Variants in ESD observed in about 807,000 individuals in gnomAD.
The protein encoded by ESD is esterase D, also known as S-formylglutathione hydrolase.
ESD carries 34 observed loss-of-function variants against 38.1 expected under a neutral mutation model. The ratio of observed to expected loss-of-function variants is 0.89; its 90% confidence interval spans 0.68 to 1.19. ESD has a LOEUF of 1.19. Among genes scored for constraint, ESD ranks in the 50% most tolerant of loss-of-function variants. The pLI is 0.00. For missense variants in ESD, 334 were observed against 327.2 expected, an observed-to-expected ratio of 1.02 and a Z score of -0.16; for synonymous variants, 97 against 107.0, an observed-to-expected ratio of 0.91 and a Z score of 0.58.
chr13:46,772,618 T>G (rs1167200766), intron 9 of ESD, among the ~76,000 whole-genome samples: 1 of 152,204 alleles, frequency 6.6e-6, no homozygotes, highest in Non-Finnish European at 1.5e-5. Context: ...GGCCCCAGTG[T>G]GGGTTGTTCC....
chr13:46,797,224 T>G (rs1875623573), upstream of ESD: 1 of 152,048 alleles, frequency 6.6e-6, no homozygotes. Flanking sequence ...TCCCACTCAC[T>G]CTCGCTTTTA....
rs1194944273 is a variant in ESD, at chr13:46,777,480, G to T, written c.744C>A (p.Ile248=). The part of the protein sequence containing the change: ...NFIAACTEKK[I]PVVFRLQEGY... ...CCTCTTGCAATCGAAAAACAACGGG[G>T]ATTTTCTTTTCTGTACAGGCAGCTA... Residue 248 remains isoleucine (I), a synonymous_variant, in exon 9 of 10, where the codon ATC becomes ATA. Coordinates refer to ENST00000378720, the MANE Select transcript of ESD (RefSeq NM_001984.2). The T allele has an allele frequency of 1.2e-6, 2 of 1,604,854 alleles. No homozygotes were observed. Among genetic ancestry groups the T allele is most frequent in the African/African-American group, 2.7e-5 (2 of 74,636 alleles).
In ESD at chr13:46,771,351, T is replaced by A; in HGVS notation, c.*65A>T. 1 of 978,502 alleles carries A rather than the reference T, an allele frequency of 1.0e-6. No individual in the cohort carries two copies. The highest frequency in any genetic ancestry group is 1.5e-6 in the Non-Finnish European group (1 of 668,006). The allele number at this position is 978,502 out of a possible 1,614,324, so 60.6% of individuals were successfully genotyped here. A position where few individuals can be genotyped will look rare whatever the true frequency, so the allele number is the denominator to read the frequency against. On this transcript the variant is annotated 3_prime_UTR_variant, in exon 10 of 10. Transcript: ENST00000378720. ...TGTTTTGAATTTTTTTTTTTTTTGC[T>A]CAGCAATACAGTTGCATTTTACAAC...
At chr13:46,777,650 A>C in intron 8 of ESD, 27 bp from the exon 9 acceptor site, 1 of 1,554,062 alleles carries the variant, frequency 6.4e-7, no homozygotes, top group South Asian at 1.2e-5. Flanking sequence ...AACATTGAAA[A>C]ATAAATTCAA....
At chr13:46,792,101 A>T (rs781165353) in intron 2 of ESD, among the ~76,000 whole-genome samples, 2 of 152,120 alleles carry the variant, frequency 1.3e-5, no homozygotes, top group Admixed American at 6.5e-5. Context: ...CTTACATGTA[A>T]AATGACATAT....
chr13:46,775,494 T>G (rs903461594), intron 9 of ESD: 1 of 369,276 alleles, frequency 2.7e-6, no homozygotes, highest in Admixed American at 4.0e-5. Context: ...ACAGTTATAC[T>G]ATACTTGTAA....
intron 8 of ESD, among the ~76,000 whole-genome samples, chr13:46,777,935 T>A (rs1874862928): frequency 6.6e-6 from 1 of 151,888 alleles, no homozygotes; most frequent in African/African-American, 2.4e-5. Context: ...AATCTCCTCT[T>A]GGCTCCAGCA....
Position 46,774,294 on chromosome 13 carries a change from G to A in ESD, c.769-2798C>T, listed in dbSNP as rs1874710687. ...GAGAAAGAAGAAAATGCCTGCCATT[G>A]AGGGCCCAAGAATTTTAAAAAATGT... is the stretch of plus-strand genomic sequence containing the variant. On this transcript the variant is annotated intron_variant, in intron 9 of 9. Coordinates refer to ENST00000378720, the MANE Select transcript of ESD (RefSeq NM_001984.2). Among the ~76,000 whole-genome samples the A allele has an allele frequency of 2.0e-5, 3 of 152,124 alleles. No individual in the cohort carries two copies. The South Asian group carries it at 6.2e-4, about 32-fold the overall frequency.
chr13:46,778,267 T>G (rs988018332), intron 8 of ESD, among the ~76,000 whole-genome samples: 25 of 151,834 alleles, frequency 1.6e-4, no homozygotes, highest in Admixed American at 1.6e-3. Flanking sequence ...CCTCGAAATA[T>G]TCTTATTCAT....
chr13:46,781,203 A>C lies in ESD; in HGVS notation c.501+293T>G, dbSNP rs964906909. ...TCAGTAATAATAACCTTTACAGAAA[A>C]AAAGTGTGTTCAAAACTATAGTTGG... On this transcript the variant is annotated intron_variant, in intron 7 of 9. Transcript: ENST00000378720. Among the ~76,000 whole-genome samples, 102 of 151,812 alleles carry C rather than the reference A, an allele frequency of 6.7e-4. 1 individual carries two copies. Among genetic ancestry groups the C allele is most frequent in the Non-Finnish European group, 4.0e-4 (27 of 67,738 alleles).
chr13:46,792,107 CAT>C (rs1875423521), intron 2 of ESD, among the ~76,000 whole-genome samples: 1 of 151,940 alleles, frequency 6.6e-6, no homozygotes, highest in African/African-American at 2.4e-5. Context: ...TGTAAAATGA[CAT>C]ATTTTATTGC....
At chr13:46,779,571 G>C (rs1411060896) in intron 8 of ESD, among the ~76,000 whole-genome samples, 1 of 150,556 alleles carries the variant, frequency 6.6e-6, no homozygotes, top group Admixed American at 6.7e-5. Flanking sequence ...GTAATATGTG[G>C]TATTTTTTGG....
Position 46,777,643 on chromosome 13 carries a change from A to G in ESD, c.601-20T>C. On this transcript the variant is annotated intron_variant, in intron 8 of 9. Coordinates refer to ENST00000378720, the MANE Select transcript of ESD (RefSeq NM_001984.2). ...ATAAGCCTGTAAAAAGAGAAGTAAC[A>G]TTGAAAAATAAATTCAAAGATACTC... 6.4e-7 allele frequency: 1 copy of G among 1,567,246 alleles called. No homozygotes were observed. The highest frequency in any genetic ancestry group is 8.7e-7 in the Non-Finnish European group (1 of 1,154,978).
intron 4 of ESD, among the ~76,000 whole-genome samples, chr13:46,785,418 T>C (rs547153529): frequency 6.9e-4 from 105 of 152,182 alleles, no homozygotes; most frequent in Non-Finnish European, 1.3e-3. Context: ...ACACAGCTAA[T>C]AAAGGGCTGT....
At chr13:46,797,552 A>G (rs1474296111), upstream of ESD, among the ~76,000 whole-genome samples, 1 of 152,084 alleles carries the variant, frequency 6.6e-6, no homozygotes, top group Non-Finnish European at 1.5e-5. Context: ...ACTAGGGCCT[A>G]ATTTCAACTC....
intron 1 of ESD, among the ~76,000 whole-genome samples, chr13:46,794,072 C>A (rs1256844249): frequency 6.6e-6 from 1 of 151,818 alleles, no homozygotes; most frequent in East Asian, 1.9e-4. Context: ...TATTTAGGTT[C>A]TAGAACAGAT....
At chr13:46,786,200 G>A (rs1875187483) in intron 4 of ESD, among the ~76,000 whole-genome samples, 1 of 151,980 alleles carries the variant, frequency 6.6e-6, no homozygotes, top group Non-Finnish European at 1.5e-5. Context: ...TTGAGTTAAA[G>A]TCAGATATGC....
chr13:46,782,361 G>A (rs886836305), intron 6 of ESD, among the ~76,000 whole-genome samples: 4 of 151,710 alleles, frequency 2.6e-5, no homozygotes, highest in African/African-American at 4.8e-5. Flanking sequence ...ACTAAGCCTT[G>A]GCTTATCACT....
chr13:46,794,496 ATTTTT>A (rs34614621), intron 1 of ESD, among the ~76,000 whole-genome samples: 1 of 148,786 alleles, frequency 6.7e-6, no homozygotes, highest in Non-Finnish European at 1.5e-5. Flanking sequence ...ACACTGGAAT[ATTTTT>A]TTTTTTAATT....
Sources: allele counts gnomAD v4.1 joint callset (sites outside exome capture counted in the v4.1 genomes callset), GRCh38; gene constraint gnomAD v4.1.1; transcripts MANE v1.5; gene names NCBI Gene and HGNC (gene_info 2026-07-23, HGNC 2026-07-21).